The following WDPCP variants were observed in gnomAD, a reference collection of about 807,000 sequenced individuals.
The protein encoded by WDPCP is WD repeat containing planar cell polarity effector.
Under a neutral mutation model 93.1 loss-of-function variants are expected in WDPCP, and 71 were observed. That is an observed-to-expected ratio of 0.76 (90% CI 0.63 to 0.93). The LOEUF is 0.93. Ranked by LOEUF, WDPCP falls within the 40% of genes least tolerant of loss-of-function variation. The pLI, the probability that WDPCP is intolerant of heterozygous loss-of-function variation, is 0.00. For synonymous variants in WDPCP, 315 were observed against 315.0 expected, an observed-to-expected ratio of 1.00 and a Z score of 0.00; for missense variants, 844 against 887.4, an observed-to-expected ratio of 0.95 and a Z score of 0.62.
At position 63,588,232 on chromosome 2, in the gene WDPCP, C is replaced by T. The variant is rs868406399; in HGVS notation, c.40G>A (p.Ala14Thr). ...EFCWDAYSKA[A>T]GSRASSPLPR... ...AGTGGGGAAGAAGCGCGACTCCCGG[C>T]CGCTTTGGAGTAGGCGTCCCAGCAA... is the stretch of plus-strand genomic sequence containing the variant. The change falls in exon 1 of 18, where the codon GCC (alanine) becomes ACC (threonine). Residue 14 changes from alanine to threonine, a missense_variant. Physicochemically the swap from Ala to Thr is moderately conservative, Grantham distance 58 (BLOSUM62 0). Coordinates refer to ENST00000272321, the MANE Select transcript of WDPCP (RefSeq NM_015910.7). 6.3e-7 allele frequency: 1 copy of T among 1,577,294 alleles called. No homozygotes were observed. The highest frequency in any genetic ancestry group is 8.6e-7 in the Non-Finnish European group (1 of 1,159,080).
At chr2:63,758,384 T>C (rs1294086957) in intron 2 of WDPCP, among the ~76,000 whole-genome samples, 2 of 152,106 alleles carry the variant, frequency 1.3e-5, no homozygotes, top group African/African-American at 2.4e-5. Flanking sequence ...ACTGCTTAGC[T>C]TTTAATTTGT....
intron 1 of WDPCP, among the ~76,000 whole-genome samples, chr2:63,816,642 T>G (rs2104108781): frequency 6.6e-6 from 1 of 152,368 alleles, no homozygotes. Flanking sequence ...ACCCTGATTT[T>G]GGGCTTCTGG....
chr2:63,382,831 G>A (rs1229081738), intron 10 of WDPCP, among the ~76,000 whole-genome samples: 1 of 152,136 alleles, frequency 6.6e-6, no homozygotes, highest in Non-Finnish European at 1.5e-5. Flanking sequence ...GAATTGCCCT[G>A]ACTATACTAA....
chr2:63,580,150 T>C (rs904911126), intron 1 of WDPCP, among the ~76,000 whole-genome samples: 2 of 152,190 alleles, frequency 1.3e-5, no homozygotes, highest in African/African-American at 4.8e-5. Context: ...ATTTGTTATA[T>C]GTAGGAGCAG....
At position 63,185,214 on chromosome 2, in the gene WDPCP, G is replaced by A. The variant is rs545605215; in HGVS notation, c.1916-10382C>T. ...ATCAATATTTTGAATTCTTTATCTG[G>A]CATTTCAGAAATTTCCTTTTGGTCA... On this transcript the variant is annotated intron_variant, in intron 14 of 17. Coordinates refer to ENST00000272321, the MANE Select transcript of WDPCP (RefSeq NM_015910.7). 1.4e-4 allele frequency among the ~76,000 whole-genome samples: 22 copies of A among 152,114 alleles called. No homozygotes were observed. In the South Asian group the frequency reaches 4.6e-3, roughly 32 times the overall value.
chr2:63,313,853 CATAT>C (rs1239251914), intron 12 of WDPCP, among the ~76,000 whole-genome samples: 78 of 38,506 alleles, frequency 2.0e-3, no homozygotes, highest in Non-Finnish European at 2.1e-3. Context: ...ATTATTCATA[CATAT>C]ATATATATAT....
chr2:63,154,139 AT>A (rs781035684), intron 15 of WDPCP, among the ~76,000 whole-genome samples: 16 of 150,748 alleles, frequency 1.1e-4, no homozygotes, highest in South Asian at 4.2e-4. Flanking sequence ...TCTTTCACTT[AT>A]TTTTTTTTGT....
intron 6 of WDPCP, among the ~76,000 whole-genome samples, chr2:63,461,088 G>A (rs1254722608): frequency 6.6e-6 from 1 of 152,186 alleles, no homozygotes; most frequent in African/African-American, 2.4e-5. Context: ...GAAGCAAAGG[G>A]CATTTTAGGC....
At chr2:63,643,536 C>T (rs1409636468) in intron 3 of WDPCP, 1 of 420,380 alleles carries the variant, frequency 2.4e-6, no homozygotes, top group East Asian at 5.9e-5. Flanking sequence ...TTGATAAAAT[C>T]AGTAATCTTG....
At chr2:63,622,082 T>TG in intron 3 of WDPCP, 2 of 1,106,322 alleles carry the variant, frequency 1.8e-6, no homozygotes, top group Non-Finnish European at 2.4e-6. Flanking sequence ...TTTTTTTTTT[T>TG]TTGGAAGTTG....
chr2:63,722,153 C>A (rs1271934991), intron 2 of WDPCP, among the ~76,000 whole-genome samples: 1 of 152,088 alleles, frequency 6.6e-6, no homozygotes, highest in Non-Finnish European at 1.5e-5. Flanking sequence ...GCCGCCACCC[C>A]GTCTGGGAAG....
At chr2:63,633,044 C>G (rs1053699553) in intron 3 of WDPCP, among the ~76,000 whole-genome samples, 2 of 152,098 alleles carry the variant, frequency 1.3e-5, no homozygotes, top group African/African-American at 4.8e-5. Context: ...CAGCAGAAAC[C>G]TTATAGGCCA....
At chr2:63,580,641 C>A (rs1708433552) in intron 1 of WDPCP, among the ~76,000 whole-genome samples, 1 of 152,032 alleles carries the variant, frequency 6.6e-6, no homozygotes, top group South Asian at 2.1e-4. Context: ...ACAAAGAGGG[C>A]CAATAAACTG....
intron 17 of WDPCP, among the ~76,000 whole-genome samples, chr2:63,127,157 C>T (rs1669967993): frequency 7.3e-6 from 1 of 137,498 alleles, no homozygotes; most frequent in East Asian, 2.2e-4. Context: ...GAGTCTCGCT[C>T]TGTCACTAGA....
At chr2:63,555,795 G>GAAC (rs898763130) in intron 1 of WDPCP, among the ~76,000 whole-genome samples, 11 of 151,592 alleles carry the variant, frequency 7.3e-5, no homozygotes, top group African/African-American at 7.3e-5. Context: ...AAACAGAAAG[G>GAAC]AACAACAACA....
In WDPCP at chr2:63,394,697, C is replaced by T. The variant is rs1693568638; in HGVS notation, c.1435+9351G>A. Among the ~76,000 whole-genome samples, 3 of 152,174 alleles carry T rather than the reference C, an allele frequency of 2.0e-5. No homozygotes were observed. The South Asian group carries it at 6.2e-4, about 32-fold the overall frequency. ...TGTGGTACATATACACCATGGAATA[C>T]TACATAGCCATAAAAAAGAATGAGA... On this transcript the variant is annotated intron_variant, in intron 10 of 17. Coordinates refer to ENST00000272321, the MANE Select transcript of WDPCP (RefSeq NM_015910.7).
At chr2:63,696,433 C>T (rs1407929976) in intron 2 of WDPCP, among the ~76,000 whole-genome samples, 1 of 152,148 alleles carries the variant, frequency 6.6e-6, no homozygotes, top group South Asian at 2.1e-4. Flanking sequence ...GCCCGTTCTA[C>T]AAGAATGCAT....
chr2:63,780,772 G>A (rs556921758), intron 2 of WDPCP, among the ~76,000 whole-genome samples: 5 of 148,546 alleles, frequency 3.4e-5, no homozygotes, highest in African/African-American at 1.2e-4. Context: ...GCACAGCTTG[G>A]AGAACAACAT....
At chr2:63,800,871 G>A (rs761156477) in intron 2 of WDPCP, among the ~76,000 whole-genome samples, 5 of 151,970 alleles carry the variant, frequency 3.3e-5, no homozygotes, top group Admixed American at 1.3e-4. Flanking sequence ...CTGGGCAACA[G>A]AGAGAAACCC....
Sources: allele counts gnomAD v4.1 joint callset (sites outside exome capture counted in the v4.1 genomes callset), GRCh38; gene constraint gnomAD v4.1.1; transcripts MANE v1.5; gene names NCBI Gene and HGNC (gene_info 2026-07-23, HGNC 2026-07-21).